Variants in TTC6 observed in about 807,000 individuals in gnomAD.
TTC6 encodes the protein tetratricopeptide repeat domain 6.
Under a neutral mutation model 210.4 loss-of-function variants are expected in TTC6, and 172 were observed. That is an observed-to-expected ratio of 0.82 (90% confidence interval 0.72 to 0.93). The LOEUF (loss-of-function observed/expected upper bound fraction) is 0.93. Among genes scored for constraint, TTC6 ranks in the 40% least tolerant of loss-of-function variants. The probability of loss-of-function intolerance (pLI) is 0.00; values close to 1 mark genes in which losing one functional copy is unlikely to be tolerated. For synonymous variants in TTC6, 804 were observed against 819.6 expected (o/e 0.98, Z 0.32); for missense variants, 2,414 against 2,318.1 (o/e 1.04, Z -0.85).
chr14:37,822,798 T>G (rs571822418), intron 26 of TTC6, among the ~76,000 whole-genome samples: 2 of 152,310 alleles, frequency 1.3e-5, no homozygotes, highest in East Asian at 3.9e-4. Context: ...AGATATTTTC[T>G]CTGTGCAAGC....
intron 22 of TTC6, among the ~76,000 whole-genome samples, chr14:37,806,860 A>T (rs1383401204): frequency 6.6e-6 from 1 of 152,220 alleles, no homozygotes; most frequent in Non-Finnish European, 1.5e-5. Context: ...CACAAAATTC[A>T]GTAGGTGAAG....
chr14:37,599,571 C>T (rs2095611396), intron 1 of TTC6, among the ~76,000 whole-genome samples: 1 of 152,220 alleles, frequency 6.6e-6, no homozygotes, highest in African/African-American at 2.4e-5. Context: ...TGAGCTGCTC[C>T]GGGCGCGGAC....
intron 20 of TTC6, among the ~76,000 whole-genome samples, chr14:37,803,570 T>A (rs1330037090): frequency 6.6e-6 from 1 of 152,076 alleles, no homozygotes; most frequent in Non-Finnish European, 1.5e-5. Flanking sequence ...CAAGTTTTAA[T>A]GGGCTCAAGG....
intron 6 of TTC6, among the ~76,000 whole-genome samples, chr14:37,716,091 G>C: frequency 6.6e-6 from 1 of 152,134 alleles, no homozygotes; most frequent in Middle Eastern, 3.4e-3. Context: ...AGGGAGGTGA[G>C]ATTTCTACGT....
chr14:37,807,562 C>A, intron 23 of TTC6, 102 bp downstream of exon 25: 1 of 1,028,940 alleles, frequency 9.7e-7, no homozygotes, highest in East Asian at 2.8e-5. Context: ...GGTTGGGAAT[C>A]ACTATGATAT....
intron 15 of TTC6, among the ~76,000 whole-genome samples, chr14:37,789,618 T>TATATATA (rs57518932): frequency 2.2e-3 from 238 of 106,072 alleles, no homozygotes; most frequent in African/African-American, 7.4e-3. Context: ...ATATATATAT[T>TATATATA]GTATATACTC....
At chr14:37,679,539 T>A (rs1340030188) in intron 1 of TTC6, among the ~76,000 whole-genome samples, 1 of 152,150 alleles carries the variant, frequency 6.6e-6, no homozygotes, top group African/African-American at 2.4e-5. Flanking sequence ...ATTTTATCTT[T>A]CCTGTGCAGT....
chr14:37,814,893 A>G (rs531392078), intron 25 of TTC6, among the ~76,000 whole-genome samples: 317 of 152,324 alleles, frequency 2.1e-3, no homozygotes, highest in African/African-American at 7.3e-3. Context: ...ATTGATTAAC[A>G]GAGAAGCTGA....
exon 1 of TTC6, chr14:37,622,546 G>T: frequency 6.5e-7 from 1 of 1,534,960 alleles, no homozygotes; most frequent in Non-Finnish European, 8.7e-7. Context: ...CCCGTGAAGC[G>T]CAGAGCGCGC....
At chr14:37,747,227 A>T (rs1325270282) in intron 10 of TTC6, among the ~76,000 whole-genome samples, 2 of 152,178 alleles carry the variant, frequency 1.3e-5, no homozygotes, top group Non-Finnish European at 2.9e-5. Flanking sequence ...CCTGGCAAGG[A>T]AGTTTTCCTA....
At position 37,742,006 on chromosome 14, in the gene TTC6, T is replaced by G. The variant is rs371266454; in HGVS notation, c.2363+2851T>G. Among the ~76,000 whole-genome samples, 4 of 152,214 alleles carry G rather than the reference T, an allele frequency of 2.6e-5. No individual in the cohort carries two copies. In the South Asian group the frequency reaches 8.3e-4, roughly 32 times the overall value. ...TGGCTGACCCACAGTGACCTCTTCC[T>G]ATTGATGAATAGTGGCTGCCTTGAC... On this transcript the variant is annotated intron_variant, in intron 10 of 30. Coordinates refer to ENST00000553443, the Ensembl canonical transcript of TTC6.
At chr14:37,808,822 C>T in exon 24 of TTC6, 1 of 1,538,172 alleles carries the variant, frequency 6.5e-7, no homozygotes, top group Non-Finnish European at 8.8e-7. Context: ...CATTATGTTA[C>T]ACCAAGATAA....
intron 10 of TTC6, among the ~76,000 whole-genome samples, chr14:37,745,016 C>CCA (rs968168857): frequency 6.6e-6 from 1 of 151,000 alleles, no homozygotes; most frequent in Non-Finnish European, 1.5e-5. Flanking sequence ...ACACACACAC[C>CCA]CACACACACA....
chr14:37,673,472 C>T (rs177905), intron 1 of TTC6, among the ~76,000 whole-genome samples: 1 of 152,098 alleles, frequency 6.6e-6, no homozygotes, highest in Non-Finnish European at 1.5e-5. Flanking sequence ...TTTAGAAACA[C>T]TCTTTTGGCC....
intron 7 of TTC6, among the ~76,000 whole-genome samples, chr14:37,732,173 CTTTTTTTTTTTTTTTTT>C (rs61444309): frequency 1.6e-4 from 9 of 57,624 alleles, no homozygotes; most frequent in South Asian, 1.0e-3. Context: ...GTACTGTATT[CTTTTTTTTTTTTTTTTT>C]TTTTTTTTTT....
intron 1 of TTC6, among the ~76,000 whole-genome samples, chr14:37,654,841 A>G (rs1329307676): frequency 6.6e-6 from 1 of 152,204 alleles, no homozygotes; most frequent in African/African-American, 2.4e-5. Context: ...CGCCCAGAAT[A>G]TGGTCAAGTC....
chr14:37,623,835 T>A (rs1481459105), intron 1 of TTC6, among the ~76,000 whole-genome samples: 2 of 152,194 alleles, frequency 1.3e-5, no homozygotes, highest in Non-Finnish European at 2.9e-5. Flanking sequence ...CATATTTAAG[T>A]TTAAGATATT....
intron 6 of TTC6, among the ~76,000 whole-genome samples, chr14:37,723,873 C>T (rs2095866545): frequency 6.6e-6 from 1 of 152,076 alleles, no homozygotes; most frequent in Non-Finnish European, 1.5e-5. Context: ...AAGGAGAGAT[C>T]ACGCATATTT....
intron 1 of TTC6, among the ~76,000 whole-genome samples, chr14:37,600,746 G>A (rs1282382135): frequency 6.6e-6 from 1 of 152,106 alleles, no homozygotes; most frequent in Admixed American, 6.5e-5. Flanking sequence ...CTAATTTACT[G>A]GCATGCCTAG....
Sources: gnomAD v4.1 joint callset for allele counts (sites outside exome capture counted in the v4.1 genomes callset) on GRCh38, gnomAD v4.1.1 for gene constraint, MANE v1.5 for transcripts, NCBI Gene and HGNC (gene_info 2026-07-23, HGNC 2026-07-21) for gene names.